The following SERPINA12 variants were observed in gnomAD, a reference collection of about 807,000 sequenced individuals.
SERPINA12 encodes the protein serpin A12.
In SERPINA12, 21 loss-of-function variants were observed where a neutral mutation model predicts 25.9. That is an observed-to-expected ratio of 0.81 (90% CI 0.58 to 1.17). The LOEUF is 1.17. Ranked by LOEUF, SERPINA12 falls within the 50% of genes most tolerant of loss-of-function variation. The pLI, the probability that SERPINA12 is intolerant of heterozygous loss-of-function variation, is 0.00. For synonymous variants in SERPINA12, 220 were observed against 196.0 expected (o/e 1.12, Z -1.02); for missense variants, 562 against 508.3 (o/e 1.11, Z -1.02).
Position 94,489,639 on chromosome 14 carries a change from C to T in SERPINA12, c.1034G>A (p.Arg345His), listed in dbSNP as rs372459048. Residue 345 changes from arginine to histidine, a missense_variant, in exon 4 of 5, where the codon CGC becomes CAC. By Grantham distance (29) the Arg-to-His change is conservative. Transcript: ENST00000677451. ...GCTTACCTCGCCCACTTTCAGGCTG[C>T]GATGAGGGGCGATCTTGGTGAGATC... is the stretch of plus-strand genomic sequence containing the variant. ...HGDLTKIAPHRSLKVGEAVHK... is the reference protein window; with the variant it reads ...HGDLTKIAPHHSLKVGEAVHK... 140 of 1,613,772 alleles carry T rather than the reference C, an allele frequency of 8.7e-5. No homozygotes were observed. The highest frequency in any genetic ancestry group is 1.1e-4 in the Non-Finnish European group (133 of 1,179,918).
chr14:94,495,203 G>A (rs1211496502), intron 3 of SERPINA12, among the ~76,000 whole-genome samples: 1 of 149,698 alleles, frequency 6.7e-6, no homozygotes, highest in Admixed American at 6.6e-5. Flanking sequence ...CAAGTAGCTG[G>A]GACTACAGGC....
At chr14:94,492,185 G>A (rs1595686217) in intron 3 of SERPINA12, among the ~76,000 whole-genome samples, 1 of 152,162 alleles carries the variant, frequency 6.6e-6, no homozygotes, top group Non-Finnish European at 1.5e-5. Context: ...GACACCCTTG[G>A]GACCCTGGGA....
intron 2 of SERPINA12, among the ~76,000 whole-genome samples, chr14:94,497,176 T>G (rs1900464784): frequency 6.6e-6 from 1 of 152,220 alleles, no homozygotes; most frequent in Admixed American, 6.5e-5. Flanking sequence ...GGGATAAAGT[T>G]GAAATTGGAA....
At chr14:94,491,502 G>T (rs191593924) in intron 3 of SERPINA12, among the ~76,000 whole-genome samples, 1 of 152,046 alleles carries the variant, frequency 6.6e-6, no homozygotes, top group African/African-American at 2.4e-5. Context: ...TGGTGGTGGT[G>T]GTGTGTGTAG....
chr14:94,500,516 C>T (rs564393415), intron 1 of SERPINA12, among the ~76,000 whole-genome samples: 26 of 152,098 alleles, frequency 1.7e-4, no homozygotes, highest in Non-Finnish European at 2.6e-4. Flanking sequence ...TCAGTGCAGG[C>T]GGGAATTTCT....
intron 4 of SERPINA12, 54 bp downstream of exon 4, chr14:94,489,566 C>G (rs2139844322): frequency 1.3e-6 from 2 of 1,586,376 alleles, no homozygotes; most frequent in African/African-American, 1.3e-5. Context: ...CTGGCCCCGG[C>G]TGGGGGAAGG....
upstream of SERPINA12, among the ~76,000 whole-genome samples, chr14:94,512,220 C>T (rs1022930276): frequency 6.6e-6 from 1 of 152,192 alleles, no homozygotes; most frequent in Non-Finnish European, 1.5e-5. Context: ...GCTCCATCCC[C>T]CACCCACTCA....
chr14:94,495,985 C>A (rs1319572528), intron 3 of SERPINA12, among the ~76,000 whole-genome samples: 1 of 152,172 alleles, frequency 6.6e-6, no homozygotes, highest in African/African-American at 2.4e-5. Flanking sequence ...CCACAGTTGA[C>A]AACATCATTC....
intron 1 of SERPINA12, among the ~76,000 whole-genome samples, chr14:94,500,439 C>A (rs1900667495): frequency 6.6e-6 from 1 of 152,140 alleles, no homozygotes; most frequent in Non-Finnish European, 1.5e-5. Context: ...CAAGGGAGGG[C>A]CTGATTGGTG....
intron 2 of SERPINA12, among the ~76,000 whole-genome samples, chr14:94,514,988 C>G (rs1235215238): frequency 1.3e-5 from 2 of 152,176 alleles, no homozygotes; most frequent in Non-Finnish European, 2.9e-5. Context: ...AGAAATGGTG[C>G]TGTCTGGCCA....
chr14:94,496,918 G>C (rs983957005), intron 2 of SERPINA12, among the ~76,000 whole-genome samples: 1 of 152,174 alleles, frequency 6.6e-6, no homozygotes, highest in African/African-American at 2.4e-5. Flanking sequence ...GCCTGAGAAA[G>C]CCCACTGATT....
chr14:94,489,982 TGCCCCA>T (rs1167436036), intron 3 of SERPINA12, among the ~76,000 whole-genome samples: 1 of 152,092 alleles, frequency 6.6e-6, no homozygotes, highest in Non-Finnish European at 1.5e-5. Context: ...CCAGCACACC[TGCCCCA>T]GAGCCCTCTA....
chr14:94,498,158 A>G lies in SERPINA12; in HGVS notation c.240T>C (p.Ser80=), dbSNP rs764808097. Residue 80 remains serine (S), a synonymous_variant, in exon 2 of 5, where the codon TCT becomes TCC. Transcript: ENST00000677451. ...CCAGGCACAGCATGGAGAAAGCTGT[A>G]GAGATGCTCAAGGGGGATAGGAAGA... The part of the protein sequence containing the change: ...RNIFLSPLSI[S]TAFSMLCLGA... The G allele has an allele frequency of 3.7e-6, 6 of 1,614,054 alleles. No homozygotes were observed. The highest frequency in any genetic ancestry group is 5.1e-6 in the Non-Finnish European group (6 of 1,180,044).
intron 1 of SERPINA12, among the ~76,000 whole-genome samples, chr14:94,507,823 T>C (rs1384844895): frequency 6.6e-6 from 1 of 152,220 alleles, no homozygotes; most frequent in Admixed American, 6.5e-5. Flanking sequence ...CTTTGACCCA[T>C]TCATTGTACC....
chr14:94,517,603 A>G (rs1901268217), exon 1 of SERPINA12: 1 of 152,138 alleles, frequency 6.6e-6, no homozygotes, highest in African/African-American at 2.4e-5. Context: ...CTCTCCCCAC[A>G]TCCCCAGTAC....
Position 94,498,067 on chromosome 14 carries a change from C to A in SERPINA12, c.331G>T (p.Asp111Tyr), listed in dbSNP as rs1310915556. 12 of 1,614,168 alleles carry A rather than the reference C, an allele frequency of 7.4e-6. No homozygotes were observed. The South Asian group carries it at 1.2e-4, about 16-fold the overall frequency. Residue 111 changes from aspartate to tyrosine, a missense_variant, in exon 2 of 5, where the codon GAT (aspartate) becomes TAT (tyrosine). Asp to Tyr is a radical substitution (Grantham distance 160). Transcript: ENST00000677451. ...GFNFRKMPEK[D>Y]LHEGFHYIIH... ...ATGTAATGGAAGCCCTCATGAAGAT[C>A]TTTTTCTGGCATCTTTCTGAAGTTG...
chr14:94,494,289 G>T (rs867222915), intron 3 of SERPINA12, among the ~76,000 whole-genome samples: 3 of 152,202 alleles, frequency 2.0e-5, no homozygotes, highest in Non-Finnish European at 4.4e-5. Flanking sequence ...GCTGAAACAC[G>T]TCAGTCCCTT....
At chr14:94,509,746 G>T (rs929685180), upstream of SERPINA12, among the ~76,000 whole-genome samples, 15 of 152,208 alleles carry the variant, frequency 9.9e-5, no homozygotes, top group African/African-American at 2.4e-5. Context: ...TGAGGGCCTG[G>T]CTTGCTAGGA....
Position 94,496,571 on chromosome 14 carries a change from A to G in SERPINA12, c.707T>C (p.Val236Ala), listed in dbSNP as rs375454807. 6 of 1,613,944 alleles carry G rather than the reference A, an allele frequency of 3.7e-6. No homozygotes were observed. The African/African-American group carries it at 5.3e-5, about 14-fold the overall frequency. Reference protein sequence around the residue: ...EDFFLEKNSSVKVPMMFRSGI... With the variant: ...EDFFLEKNSSAKVPMMFRSGI... Reference sequence around the variant, plus strand: ...ACTACGGAACATCATGGGCACCTTGACTGAACTGTTTTTCTCCAGAAAGAA... The same window carrying G: ...ACTACGGAACATCATGGGCACCTTGGCTGAACTGTTTTTCTCCAGAAAGAA... The change falls in exon 3 of 5, where the codon GTC becomes GCC. Residue 236 changes from valine (V) to alanine (A), a missense_variant. Physicochemically the swap from Val to Ala is moderately conservative, Grantham distance 64. Transcript: ENST00000677451.
Sources: allele counts gnomAD v4.1 joint callset (sites outside exome capture counted in the v4.1 genomes callset), GRCh38; gene constraint gnomAD v4.1.1; transcripts MANE v1.5; gene names NCBI Gene and HGNC (gene_info 2026-07-23, HGNC 2026-07-21).